Variants in GSE1 observed in about 807,000 individuals in gnomAD.
The protein encoded by GSE1 is Gse1 coiled-coil protein.
In GSE1, 32 loss-of-function variants were observed where a neutral mutation model predicts 112.6. The ratio of observed to expected loss-of-function variants is 0.28; its 90% CI spans 0.21 to 0.38. The LOEUF (loss-of-function observed/expected upper bound fraction) is 0.38, where lower values mean the gene tolerates loss of function less well. Among genes scored for constraint, GSE1 ranks in the 10% least tolerant of loss-of-function variants. GSE1 has a pLI of 1.00. For missense variants in GSE1, 2,348 were observed against 1,699.2 expected, an observed-to-expected ratio of 1.38 and a Z score of -6.71; for synonymous variants, 1,115 against 735.6, an observed-to-expected ratio of 1.52 and a Z score of -8.35.
intron 1 of GSE1, among the ~76,000 whole-genome samples, chr16:85,258,680 G>C (rs1277494243): frequency 2.6e-5 from 4 of 152,172 alleles, no homozygotes; most frequent in Non-Finnish European, 4.4e-5. Flanking sequence ...CGGGCCTGGA[G>C]GGGTTCCCAG....
chr16:85,301,803 C>T (rs892496634), intron 1 of GSE1, among the ~76,000 whole-genome samples: 1 of 152,208 alleles, frequency 6.6e-6, no homozygotes, highest in African/African-American at 2.4e-5. Context: ...CCCAGAGGCC[C>T]CAGCAGTCAG....
intron 1 of GSE1, among the ~76,000 whole-genome samples, chr16:85,559,021 C>G (rs1382589953): frequency 6.6e-6 from 1 of 152,116 alleles, no homozygotes; most frequent in Non-Finnish European, 1.5e-5. Flanking sequence ...CCATGCCAGG[C>G]TAATTTGTGT....
intron 1 of GSE1, among the ~76,000 whole-genome samples, chr16:85,338,459 A>C (rs2046552473): frequency 6.6e-6 from 1 of 152,190 alleles, no homozygotes; most frequent in Admixed American, 6.5e-5. Flanking sequence ...TCCCTGCCTC[A>C]GTCTCCCCCT....
chr16:85,195,039 G>A (rs890723809), intron 1 of GSE1, among the ~76,000 whole-genome samples: 1 of 152,152 alleles, frequency 6.6e-6, no homozygotes, highest in Non-Finnish European at 1.5e-5. Flanking sequence ...GGTGGGAAAA[G>A]GGAGAAACAG....
exon 1 of GSE1, chr16:85,169,881 C>G (rs2074330076): frequency 1.0e-6 from 1 of 984,426 alleles, no homozygotes; most frequent in South Asian, 4.7e-5. Flanking sequence ...AGCGGCCCCA[C>G]CAGTGCGACG....
chr16:85,608,350 C>T (rs528596852), upstream of GSE1, among the ~76,000 whole-genome samples: 15 of 152,242 alleles, frequency 9.9e-5, no homozygotes, highest in East Asian at 3.9e-4. Context: ...GCCCCTGCAC[C>T]GGGGCTGGTA....
intron 1 of GSE1, among the ~76,000 whole-genome samples, chr16:85,564,271 G>T (rs2045645399): frequency 6.6e-6 from 1 of 152,176 alleles, no homozygotes; most frequent in South Asian, 2.1e-4. Context: ...GGCTAACACA[G>T]TGAGGAGGGA....
intron 2 of GSE1, among the ~76,000 whole-genome samples, chr16:85,639,866 G>T (rs565111941): frequency 6.6e-6 from 1 of 152,230 alleles, no homozygotes; most frequent in East Asian, 1.9e-4. Context: ...CGCAGCGCCC[G>T]TCTGCCAAGG....
chr16:85,654,150 A>T, intron 3 of GSE1, 128 bp from the exon 4 acceptor site: 1 of 837,670 alleles, frequency 1.2e-6, no homozygotes, highest in Non-Finnish European at 1.8e-6. Flanking sequence ...AGAAAGCCTT[A>T]GGGAAAGGAT....
At position 85,663,097 on chromosome 16, in the gene GSE1, C is replaced by G. The variant is rs374595447; in HGVS notation, c.2373+4C>G. ...CAAACTGGACACGTCCTCTGAGGTACTGGGCTCTCCTCCCCACGGACATGC... is the reference window on the plus strand; with the variant it reads ...CAAACTGGACACGTCCTCTGAGGTAGTGGGCTCTCCTCCCCACGGACATGC... On this transcript the variant is annotated splice_donor_region_variant and intron_variant, in intron 10 of 15. Coordinates refer to ENST00000253458, the MANE Select transcript of GSE1 (RefSeq NM_014615.5). The G allele has an allele frequency of 1.2e-5, 19 of 1,577,064 alleles. No individual in the cohort carries two copies. Among genetic ancestry groups the G allele is most frequent in the African/African-American group, 8.1e-5 (6 of 74,196 alleles).
At chr16:85,196,586 G>A (rs1396611202) in intron 1 of GSE1, among the ~76,000 whole-genome samples, 1 of 152,102 alleles carries the variant, frequency 6.6e-6, no homozygotes, top group Non-Finnish European at 1.5e-5. Flanking sequence ...GATTCCATCC[G>A]AGGCCTTTGG....
intron 1 of GSE1, among the ~76,000 whole-genome samples, chr16:85,626,191 A>G (rs1239593143): frequency 6.6e-6 from 1 of 151,956 alleles, no homozygotes; most frequent in Non-Finnish European, 1.5e-5. Context: ...TGGAGCAAGA[A>G]GACCTCTCCC....
chr16:85,639,193 C>T (rs537943886), intron 2 of GSE1, among the ~76,000 whole-genome samples: 14 of 152,220 alleles, frequency 9.2e-5, no homozygotes, highest in African/African-American at 3.1e-4. Context: ...AAAGGGACGT[C>T]CCCGGGGCCG....
At chr16:85,256,396 C>T (rs923990652) in intron 1 of GSE1, among the ~76,000 whole-genome samples, 30 of 152,366 alleles carry the variant, frequency 2.0e-4, no homozygotes, top group African/African-American at 4.3e-4. Context: ...ATAAGGCAGA[C>T]GCTTTGCATG....
At chr16:85,523,131 G>C (rs995953238) in intron 2 of GSE1, among the ~76,000 whole-genome samples, 3 of 151,596 alleles carry the variant, frequency 2.0e-5, no homozygotes, top group African/African-American at 7.3e-5. Flanking sequence ...TGTGGCCTGT[G>C]TGTGTGTGGC....
At chr16:85,588,162 C>G (rs537163242) in intron 1 of GSE1, among the ~76,000 whole-genome samples, 1 of 152,316 alleles carries the variant, frequency 6.6e-6, no homozygotes, top group Non-Finnish European at 1.5e-5. Flanking sequence ...CAGCTGGCCT[C>G]TTGCATCTCG....
intron 1 of GSE1, among the ~76,000 whole-genome samples, chr16:85,175,734 G>C (rs1005182198): frequency 3.3e-5 from 5 of 152,220 alleles, no homozygotes; most frequent in African/African-American, 1.2e-4. Flanking sequence ...TAATGCGGGT[G>C]ATAACCATTA....
At chr16:85,243,092 C>T (rs1467296657) in intron 1 of GSE1, among the ~76,000 whole-genome samples, 1 of 152,252 alleles carries the variant, frequency 6.6e-6, no homozygotes, top group African/African-American at 2.4e-5. Context: ...GGATTACAGG[C>T]ATAAGCCTCT....
chr16:85,270,548 A>G (rs1908727282), intron 1 of GSE1, among the ~76,000 whole-genome samples: 1 of 148,900 alleles, frequency 6.7e-6, no homozygotes, highest in Non-Finnish European at 1.5e-5. Flanking sequence ...GGAAACAATT[A>G]AAGCAGCCCA....
Sources: gnomAD v4.1 joint callset for allele counts (sites outside exome capture counted in the v4.1 genomes callset) on GRCh38, gnomAD v4.1.1 for gene constraint, MANE v1.5 for transcripts, NCBI Gene and HGNC (gene_info 2026-07-23, HGNC 2026-07-21) for gene names.